NCOR1: variants seen among roughly 807,000 people sequenced by gnomAD.
NCOR1 encodes protein phosphatase 1, regulatory subunit 109.
Under a neutral mutation model 288.1 loss-of-function variants are expected in NCOR1, and 63 were observed. That is an observed-to-expected ratio of 0.22 (90% CI 0.18 to 0.27). NCOR1 has a LOEUF of 0.27. NCOR1 is among the 10% of genes least tolerant of loss of function. The pLI is 1.00. For missense variants in NCOR1, 2,397 were observed against 3,019.2 expected, an observed-to-expected ratio of 0.79 and a Z score of 4.83; for synonymous variants, 1,007 against 1,065.9, an observed-to-expected ratio of 0.94 and a Z score of 1.08.
At chr17:16,174,085 A>G (rs1011118643) in intron 3 of NCOR1, among the ~76,000 whole-genome samples, 1 of 152,248 alleles carries the variant, frequency 6.6e-6, no homozygotes. Flanking sequence ...TCTCAAATTC[A>G]TATGTTGGAA....
chr17:16,125,997 A>G, intron 15 of NCOR1, 85 bp downstream of exon 15: 1 of 708,404 alleles, frequency 1.4e-6, no homozygotes, highest in Non-Finnish European at 2.1e-6. Flanking sequence ...TATCCATGTG[A>G]CAACTGTACT....
In NCOR1 at chr17:16,214,529, C is replaced by G. The variant is rs144605726; in HGVS notation, c.-71+833G>C. Among the ~76,000 whole-genome samples the G allele has an allele frequency of 9.2e-3, 1,403 of 152,274 alleles. 28 individuals are homozygous for G. The highest frequency in any genetic ancestry group is 0.032 in the African/African-American group (1,338 of 41,550). ...TACTAATCCCAAAGATTAGAATTACCTATACTACTACTCTCCAAGGTTAAC... is the reference window on the plus strand; with the variant it reads ...TACTAATCCCAAAGATTAGAATTACGTATACTACTACTCTCCAAGGTTAAC... On this transcript the variant is annotated intron_variant, in intron 1 of 45. Coordinates refer to ENST00000268712, the MANE Select transcript of NCOR1 (RefSeq NM_006311.4).
At chr17:16,096,145 C>CT (rs2066572220) in intron 21 of NCOR1, among the ~76,000 whole-genome samples, 1 of 152,100 alleles carries the variant, frequency 6.6e-6, no homozygotes, top group Non-Finnish European at 1.5e-5. Context: ...CGTTGAGAGT[C>CT]ATCACCACTC....
Position 16,039,520 on chromosome 17 carries a change from T to A in NCOR1, c.6868A>T (p.Met2290Leu), listed in dbSNP as rs753533227. 2.5e-6 allele frequency: 4 copies of A among 1,614,074 alleles called. No individual in the cohort carries two copies. Among genetic ancestry groups the A allele is most frequent in the Non-Finnish European group, 2.5e-6 (3 of 1,180,008 alleles). Reference sequence around the variant, plus strand: ...TTGGCAGTACCAGGCACTACTCCCATAGGCTGGGACATGACAACTCCATGA... The same window carrying A: ...TTGGCAGTACCAGGCACTACTCCCAAAGGCTGGGACATGACAACTCCATGA... ...EDHGVVMSQP[M>L]GVVPGTANTS... is the part of the protein sequence containing the mutation. Residue 2290 changes from methionine (M) to leucine (L), a missense_variant, in exon 44 of 46, where the codon ATG becomes TTG. By Grantham distance (15) the Met-to-Leu change is conservative (BLOSUM62 2). Transcript: ENST00000268712.
At chr17:16,095,376 C>T (rs1567979939) in intron 21 of NCOR1, among the ~76,000 whole-genome samples, 1 of 151,408 alleles carries the variant, frequency 6.6e-6, no homozygotes, top group African/African-American at 2.4e-5. Flanking sequence ...CGGCAGCCAC[C>T]CCGCCCGGGA....
chr17:16,214,108 G>A (rs1162872349), intron 1 of NCOR1, among the ~76,000 whole-genome samples: 2 of 152,146 alleles, frequency 1.3e-5, no homozygotes, highest in South Asian at 2.1e-4. Flanking sequence ...AGTAACTTGC[G>A]GTTACTTCTT....
At chr17:16,114,541 T>C (rs929140720) in intron 18 of NCOR1, among the ~76,000 whole-genome samples, 3 of 152,174 alleles carry the variant, frequency 2.0e-5, no homozygotes, top group Admixed American at 2.0e-4. Context: ...AGAAGCAAGT[T>C]AGTTACTTCC....
chr17:16,085,455 CA>C (rs2064079478), intron 23 of NCOR1, among the ~76,000 whole-genome samples: 2 of 152,122 alleles, frequency 1.3e-5, no homozygotes, highest in African/African-American at 2.4e-5. Flanking sequence ...TCATAGCTGC[CA>C]AAAACTGGAA....
chr17:16,170,156 G>C (rs1313670134), intron 4 of NCOR1, among the ~76,000 whole-genome samples: 1 of 132,548 alleles, frequency 7.5e-6, no homozygotes, highest in Non-Finnish European at 1.6e-5. Flanking sequence ...CATTTTGGCT[G>C]AACTATTTGA....
chr17:16,202,456 C>G (rs1188409340), intron 1 of NCOR1, among the ~76,000 whole-genome samples: 2 of 150,890 alleles, frequency 1.3e-5, no homozygotes, highest in Admixed American at 1.3e-4. Context: ...GACTACATGC[C>G]AATTCCCTCC....
chr17:16,029,224 G>C lies in NCOR1; in HGVS notation c.*3072C>G. ...CCACAGTGACTCAGCTCATGGTCTC[G>C]TTGTTGGAAACACTAGGAGTTTTCA... is the stretch of plus-strand genomic sequence containing the variant. On this transcript the variant is annotated 3_prime_UTR_variant, in exon 46 of 46. Transcript: ENST00000268712. The C allele has an allele frequency of 4.4e-6, 2 of 453,702 alleles. No homozygotes were observed. Among genetic ancestry groups the C allele is most frequent in the South Asian group, 3.1e-5 (2 of 64,402 alleles). 28.1% of individuals were successfully genotyped at this position (453,702 alleles called of 1,614,324 possible).
chr17:16,194,321 T>C lies in NCOR1; in HGVS notation c.108+141A>G, dbSNP rs1024414012. On this transcript the variant is annotated intron_variant, in intron 2 of 45. Coordinates refer to ENST00000268712, the MANE Select transcript of NCOR1 (RefSeq NM_006311.4). Reference sequence around the variant, plus strand: ...AAATAATTAATTCCCAATCTTTGGTTCCTTGTCTTTGTAAATAGCTCTTGC... The same window carrying C: ...AAATAATTAATTCCCAATCTTTGGTCCCTTGTCTTTGTAAATAGCTCTTGC... 21 of 495,026 alleles carry C rather than the reference T, an allele frequency of 4.2e-5. No individual in the cohort carries two copies. The Admixed American group carries it at 5.8e-4, about 14-fold the overall frequency. 30.7% of individuals were successfully genotyped at this position (495,026 alleles called of 1,614,324 possible).
intron 2 of NCOR1, among the ~76,000 whole-genome samples, chr17:16,187,012 C>A (rs1200361278): frequency 6.6e-6 from 1 of 152,158 alleles, no homozygotes; most frequent in East Asian, 1.9e-4. Context: ...AAAAAGCATT[C>A]CAATACTAAA....
chr17:16,138,457 T>C (rs1411122953), intron 12 of NCOR1, among the ~76,000 whole-genome samples: 1 of 152,120 alleles, frequency 6.6e-6, no homozygotes, highest in Non-Finnish European at 1.5e-5. Context: ...TGGTGGCACA[T>C]GCCTGCAGTC....
chr17:16,152,902 C>T (rs1183410305), intron 7 of NCOR1, among the ~76,000 whole-genome samples: 1 of 152,096 alleles, frequency 6.6e-6, no homozygotes, highest in Non-Finnish European at 1.5e-5. Flanking sequence ...TTTAGATTCC[C>T]TGAGTAACTG....
chr17:16,172,334 C>T (rs1366964670), intron 3 of NCOR1, among the ~76,000 whole-genome samples: 1 of 150,860 alleles, frequency 6.6e-6, no homozygotes, highest in Non-Finnish European at 1.5e-5. Flanking sequence ...CCAGCCTGGG[C>T]AACAATGTGA....
At chr17:16,034,487 A>G (rs1331630734) in intron 45 of NCOR1, among the ~76,000 whole-genome samples, 2 of 152,144 alleles carry the variant, frequency 1.3e-5, no homozygotes, top group Non-Finnish European at 2.9e-5. Flanking sequence ...GCACGCCTGT[A>G]GTCCCAGCTA....
intron 4 of NCOR1, among the ~76,000 whole-genome samples, chr17:16,170,326 C>T (rs762400825): frequency 1.3e-5 from 2 of 152,008 alleles, no homozygotes; most frequent in Non-Finnish European, 2.9e-5. Context: ...GCAGTAAAAA[C>T]ATTTTAAACT....
At position 16,061,651 on chromosome 17, in the gene NCOR1, A is replaced by G. The variant is rs2060556594; in HGVS notation, c.5631T>C (p.Ser1877=). 1 of 1,614,154 alleles carries G rather than the reference A, an allele frequency of 6.2e-7. No individual in the cohort carries two copies. Among genetic ancestry groups the G allele is most frequent in the Non-Finnish European group, 8.5e-7 (1 of 1,180,058 alleles). ...EQKTLEVEKR[S]VQCLYTSSAF... Reference sequence around the variant, plus strand: ...CTGAAGAAGTGTATAAACACTGAACAGATCTCTTCTCCACCTCCAGGGTTT... The same window carrying G: ...CTGAAGAAGTGTATAAACACTGAACGGATCTCTTCTCCACCTCCAGGGTTT... Residue 1877 remains serine, a synonymous_variant, in exon 37 of 46, where the codon TCT becomes TCC. Transcript: ENST00000268712.
Sources: allele counts gnomAD v4.1 joint callset (sites outside exome capture counted in the v4.1 genomes callset), GRCh38; gene constraint gnomAD v4.1.1; transcripts MANE v1.5; gene names NCBI Gene and HGNC (gene_info 2026-07-23, HGNC 2026-07-21).